DENND5B: variants seen among roughly 807,000 people sequenced by gnomAD.
DENND5B encodes the protein DENN domain containing 5B.
A neutral mutation model predicts 140.6 loss-of-function variants in DENND5B; 34 were observed. The ratio of observed to expected loss-of-function variants is 0.24; its 90% CI spans 0.18 to 0.32. The LOEUF (loss-of-function observed/expected upper bound fraction) is 0.32, where lower values mean the gene tolerates loss of function less well. Ranked by LOEUF, DENND5B falls within the 10% of genes least tolerant of loss-of-function variation. The pLI is 1.00. For missense variants in DENND5B, 1,142 were observed against 1,560.2 expected (o/e 0.73, Z 4.52); for synonymous variants, 551 against 562.1 (o/e 0.98, Z 0.28).
chr12:31,551,858 TTC>T (rs1238934823), intron 1 of DENND5B, among the ~76,000 whole-genome samples: 2 of 152,178 alleles, frequency 1.3e-5, no homozygotes, highest in Non-Finnish European at 2.9e-5. Context: ...TGATTTGGCT[TTC>T]TGTTTGTCTG....
chr12:31,518,841 C>T (rs1051752358), intron 1 of DENND5B, among the ~76,000 whole-genome samples: 4 of 152,130 alleles, frequency 2.6e-5, no homozygotes, highest in African/African-American at 9.7e-5. Context: ...GCAGCAACTG[C>T]AGCTGGCCTA....
chr12:31,404,979 C>T (rs1431986729), intron 14 of DENND5B, among the ~76,000 whole-genome samples: 1 of 151,932 alleles, frequency 6.6e-6, no homozygotes, highest in African/African-American at 2.4e-5. Flanking sequence ...AGGATGGTCT[C>T]GAACTCCTGA....
chr12:31,584,253 C>T (rs1319064551), intron 1 of DENND5B, among the ~76,000 whole-genome samples: 7 of 152,170 alleles, frequency 4.6e-5, no homozygotes, highest in Admixed American at 4.6e-4. Flanking sequence ...TTTCTCTCCT[C>T]CCTCAAAGAC....
chr12:31,494,419 G>A (rs1946682858), intron 2 of DENND5B, among the ~76,000 whole-genome samples: 1 of 152,188 alleles, frequency 6.6e-6, no homozygotes, highest in South Asian at 2.1e-4. Flanking sequence ...TTATGAGGCA[G>A]GAGAACAGGG....
intron 3 of DENND5B, among the ~76,000 whole-genome samples, chr12:31,469,209 C>T (rs1945424247): frequency 2.0e-5 from 3 of 151,752 alleles, no homozygotes; most frequent in Non-Finnish European, 4.4e-5. Context: ...TGGCATGTGC[C>T]TGTAATCCCA....
chr12:31,513,177 G>A (rs1332439797), intron 1 of DENND5B, among the ~76,000 whole-genome samples: 1 of 152,136 alleles, frequency 6.6e-6, no homozygotes, highest in Non-Finnish European at 1.5e-5. Context: ...TTATAGGTTT[G>A]GGGAAGACCA....
rs1314177853 is a variant in DENND5B, at chr12:31,398,321, C to T, written c.3110G>A (p.Gly1037Glu). 2 of 1,552,930 alleles carry T rather than the reference C, an allele frequency of 1.3e-6. No homozygotes were observed. Among genetic ancestry groups the T allele is most frequent in the Admixed American group, 3.9e-5 (2 of 50,914 alleles). Residue 1037 changes from glycine to glutamate, a missense_variant, in exon 17 of 21, where the codon GGG becomes GAG. Physicochemically the swap from Gly to Glu is moderately conservative, Grantham distance 98. Transcript: ENST00000389082. ...GRWLGKGIDDGSLERILIGEL... is the reference protein window; with the variant it reads ...GRWLGKGIDDESLERILIGEL... ...TCCAATAAGAATTCTCTCCAGGCTC[C>T]CATCATCAATGCCTTTCCCCAGCCA...
chr12:31,556,521 TC>T (rs1949286721), intron 1 of DENND5B, among the ~76,000 whole-genome samples: 2 of 152,150 alleles, frequency 1.3e-5, no homozygotes, highest in South Asian at 4.1e-4. Flanking sequence ...TTCTTAATTT[TC>T]AAAAGAGAAC....
chr12:31,407,730 G>T (rs1173305007), intron 14 of DENND5B, among the ~76,000 whole-genome samples: 1 of 152,142 alleles, frequency 6.6e-6, no homozygotes, highest in South Asian at 2.1e-4. Flanking sequence ...AAACCATGAG[G>T]TAACTAGCAC....
chr12:31,447,412 T>G, intron 6 of DENND5B, 126 bp downstream of exon 6: 1 of 795,802 alleles, frequency 1.3e-6, no homozygotes, highest in Non-Finnish European at 1.9e-6. Context: ...CATTTCGTGA[T>G]ATAGTACCAG....
intron 1 of DENND5B, among the ~76,000 whole-genome samples, chr12:31,561,783 T>C (rs1044179734): frequency 7.2e-5 from 11 of 152,130 alleles, no homozygotes; most frequent in African/African-American, 2.4e-4. Flanking sequence ...GCATTAAGAG[T>C]GTAGTAACTA....
At chr12:31,444,892 T>C (rs931650006) in intron 6 of DENND5B, among the ~76,000 whole-genome samples, 1 of 152,210 alleles carries the variant, frequency 6.6e-6, no homozygotes, top group African/African-American at 2.4e-5. Context: ...TTCGTGGGAA[T>C]ACAACAGGGT....
At chr12:31,559,438 T>C (rs1413257628) in intron 1 of DENND5B, among the ~76,000 whole-genome samples, 1 of 151,530 alleles carries the variant, frequency 6.6e-6, no homozygotes, top group African/African-American at 2.4e-5. Context: ...TGCTTAAGCA[T>C]GTAAAGTAGC....
intron 5 of DENND5B, among the ~76,000 whole-genome samples, chr12:31,449,749 T>TTTTTTTTTTTTTA (rs398019094): frequency 6.6e-6 from 1 of 150,404 alleles, no homozygotes. Context: ...TTTTTTTTTT[T>TTTTTTTTTTTTTA]GAGACAGAGT....
intron 1 of DENND5B, among the ~76,000 whole-genome samples, chr12:31,511,069 A>C (rs1947392094): frequency 6.6e-6 from 1 of 151,994 alleles, no homozygotes; most frequent in South Asian, 2.1e-4. Context: ...CCATCTCTGC[A>C]AAAAAATTTT....
At chr12:31,482,411 A>C (rs1325968134) in intron 2 of DENND5B, among the ~76,000 whole-genome samples, 2 of 152,128 alleles carry the variant, frequency 1.3e-5, no homozygotes, top group Non-Finnish European at 2.9e-5. Flanking sequence ...TTCTTCTTAT[A>C]TCAGTCTTTT....
At chr12:31,521,245 G>T (rs990071967) in intron 1 of DENND5B, among the ~76,000 whole-genome samples, 1 of 152,092 alleles carries the variant, frequency 6.6e-6, no homozygotes, top group African/African-American at 2.4e-5. Context: ...CAGAGATAAG[G>T]CATTAGAATT....
intron 1 of DENND5B, among the ~76,000 whole-genome samples, chr12:31,514,034 C>T (rs926021810): frequency 1.3e-5 from 2 of 151,918 alleles, no homozygotes; most frequent in African/African-American, 4.8e-5. Flanking sequence ...TAGAGAGAGA[C>T]AGGGTGTCAC....
chr12:31,463,267 C>CA (rs896253620), intron 3 of DENND5B, among the ~76,000 whole-genome samples: 1 of 143,460 alleles, frequency 7.0e-6, no homozygotes, highest in Non-Finnish European at 1.5e-5. Context: ...CTCAAAAAAA[C>CA]AAAAAACAAA....
Sources: allele counts gnomAD v4.1 joint callset (sites outside exome capture counted in the v4.1 genomes callset), GRCh38; gene constraint gnomAD v4.1.1; transcripts MANE v1.5; gene names NCBI Gene and HGNC (gene_info 2026-07-23, HGNC 2026-07-21).